The following MYO1B variants were observed in gnomAD, a reference collection of about 807,000 sequenced individuals.
MYO1B encodes the protein unconventional myosin-Ib.
In MYO1B, 72 loss-of-function variants were observed where a neutral mutation model predicts 159.7. The observed-to-expected ratio is 0.45, with a 90% CI of 0.37 to 0.55. The LOEUF is 0.55. Among genes scored for constraint, MYO1B ranks in the 20% least tolerant of loss-of-function variants. MYO1B has a pLI of 0.00. For missense variants in MYO1B, 1,062 were observed against 1,364.8 expected (o/e 0.78, Z 3.50); for synonymous variants, 468 against 473.8 (o/e 0.99, Z 0.16).
At chr2:191,268,922 G>C (rs1687299716) in intron 1 of MYO1B, among the ~76,000 whole-genome samples, 1 of 152,212 alleles carries the variant, frequency 6.6e-6, no homozygotes, top group East Asian at 1.9e-4. Context: ...AGTGGGGACT[G>C]TGCAGGGGAG....
intron 20 of MYO1B, 138 bp downstream of exon 20, chr2:191,393,360 C>CT: frequency 1.1e-4 from 117 of 1,057,764 alleles, no homozygotes; most frequent in Middle Eastern, 6.0e-4. Flanking sequence ...CTTAATGGTT[C>CT]TTTTTTTTAA....
chr2:191,423,741 G>A lies in MYO1B; in HGVS notation c.3288-96G>A, dbSNP rs770125291. 363 of 1,371,680 alleles carry A rather than the reference G, an allele frequency of 2.6e-4. 1 individual carries two copies. The highest frequency in any genetic ancestry group is 3.1e-4 in the Non-Finnish European group (315 of 1,020,444). 85.0% of individuals were successfully genotyped at this position (1,371,680 alleles called of 1,614,324 possible). A position where few individuals can be genotyped will look rare whatever the true frequency, so the allele number is the denominator to read the frequency against. ...GGTTAGGGATGCGCAGCCTGTACTCGTCAAGATCAGTATCCATTAAAATAC... is the reference window on the plus strand; with the variant it reads ...GGTTAGGGATGCGCAGCCTGTACTCATCAAGATCAGTATCCATTAAAATAC... On this transcript the variant is annotated intron_variant, in intron 30 of 30. Coordinates refer to ENST00000392318, the MANE Select transcript of MYO1B (RefSeq NM_001130158.3).
chr2:191,260,558 G>T (rs1686751087), intron 1 of MYO1B, among the ~76,000 whole-genome samples: 1 of 151,964 alleles, frequency 6.6e-6, no homozygotes, highest in African/African-American at 2.4e-5. Flanking sequence ...CTAAAAGTAT[G>T]TCAATCATGA....
At chr2:191,326,770 ATGTGTG>A (rs35184577) in intron 3 of MYO1B, among the ~76,000 whole-genome samples, 3,374 of 137,096 alleles carry the variant, frequency 0.025, 87 homozygotes, top group African/African-American at 0.073. Flanking sequence ...GTTTGTATAT[ATGTGTG>A]TGTGTGTGTG....
intron 13 of MYO1B, among the ~76,000 whole-genome samples, chr2:191,374,168 T>C (rs1252365204): frequency 6.6e-6 from 1 of 152,156 alleles, no homozygotes; most frequent in Non-Finnish European, 1.5e-5. Context: ...GCTCAGAGTG[T>C]TAGGAAACCA....
chr2:191,388,644 A>T (rs572701088), intron 17 of MYO1B, among the ~76,000 whole-genome samples: 29 of 148,666 alleles, frequency 2.0e-4, no homozygotes, highest in African/African-American at 6.1e-4. Flanking sequence ...ATCCTAGTTT[A>T]AAAAAAAACC....
At chr2:191,280,874 G>A (rs1688018660) in intron 2 of MYO1B, among the ~76,000 whole-genome samples, 1 of 152,188 alleles carries the variant, frequency 6.6e-6, no homozygotes, top group South Asian at 2.1e-4. Context: ...ATGTGTCCAT[G>A]GGAAGAATTG....
Position 191,365,755 on chromosome 2 carries a change from G to A in MYO1B, c.1032+1479G>A, listed in dbSNP as rs73984105. Reference sequence around the variant, plus strand: ...AAGGGCATATCAAAAAGAAAACATTGAGAAAAGCCAGATTTGGGGCACATA... The same window carrying A: ...AAGGGCATATCAAAAAGAAAACATTAAGAAAAGCCAGATTTGGGGCACATA... On this transcript the variant is annotated intron_variant, in intron 11 of 30. Coordinates refer to ENST00000392318, the MANE Select transcript of MYO1B (RefSeq NM_001130158.3). 2.1e-3 allele frequency among the ~76,000 whole-genome samples: 318 copies of A among 152,280 alleles called. 1 individual carries two copies. Among genetic ancestry groups the A allele is most frequent in the African/African-American group, 7.2e-3 (301 of 41,560 alleles).
At chr2:191,376,668 A>G (rs1694732949) in intron 13 of MYO1B, among the ~76,000 whole-genome samples, 1 of 152,190 alleles carries the variant, frequency 6.6e-6, no homozygotes, top group Non-Finnish European at 1.5e-5. Flanking sequence ...AAGAAACACT[A>G]ATATGTAATT....
chr2:191,288,277 C>A (rs1211924849), intron 2 of MYO1B, among the ~76,000 whole-genome samples: 1 of 150,994 alleles, frequency 6.6e-6, no homozygotes, highest in Non-Finnish European at 1.5e-5. Context: ...AAGGTGGTGG[C>A]TGGGCGGCAT....
intron 1 of MYO1B, chr2:191,262,916 T>C (rs1217963797): frequency 6.6e-6 from 1 of 152,344 alleles, no homozygotes; most frequent in East Asian, 1.9e-4. Context: ...AACAGAAATG[T>C]TCATCTCTAT....
chr2:191,355,926 C>T (rs1050253136), intron 7 of MYO1B, among the ~76,000 whole-genome samples: 2 of 152,188 alleles, frequency 1.3e-5, no homozygotes, highest in South Asian at 2.1e-4. Context: ...TTTTAATTTA[C>T]GACACAATTG....
chr2:191,363,274 T>A (rs1351707972), intron 9 of MYO1B, among the ~76,000 whole-genome samples: 1 of 152,146 alleles, frequency 6.6e-6, no homozygotes. Context: ...CCGTAAAAAT[T>A]TATGAATGAA....
intron 4 of MYO1B, among the ~76,000 whole-genome samples, chr2:191,341,111 C>A (rs1312429700): frequency 7.9e-5 from 12 of 152,076 alleles, no homozygotes; most frequent in Admixed American, 2.0e-4. Flanking sequence ...GGTAAAGATA[C>A]CCAGGTTATC....
Position 191,250,197 on chromosome 2 carries a change from C to G in MYO1B, c.-10+4571C>G, listed in dbSNP as rs146126439. Reference sequence around the variant, plus strand: ...CTATGACAGCTGTAGTGACCAAGACCAGGGGAACACTTGCTTTTGAGACAA... The same window carrying G: ...CTATGACAGCTGTAGTGACCAAGACGAGGGGAACACTTGCTTTTGAGACAA... On this transcript the variant is annotated intron_variant, in intron 1 of 30. Transcript: ENST00000392318. Among the ~76,000 whole-genome samples the G allele has an allele frequency of 3.2e-4, 48 of 152,236 alleles. 1 individual carries two copies. In the East Asian group the frequency reaches 7.7e-3, roughly 24 times the overall value.
chr2:191,331,167 C>A (rs746948154), intron 4 of MYO1B, among the ~76,000 whole-genome samples: 3 of 151,960 alleles, frequency 2.0e-5, no homozygotes, highest in Admixed American at 6.6e-5. Flanking sequence ...TTGGAGACAC[C>A]GAGCACCATT....
chr2:191,397,589 C>T (rs1442943496), intron 21 of MYO1B, among the ~76,000 whole-genome samples: 2 of 150,698 alleles, frequency 1.3e-5, no homozygotes, highest in Non-Finnish European at 3.0e-5. Flanking sequence ...CCCATGTCTA[C>T]TTCTATCCAC....
At chr2:191,283,853 T>G (rs1688206777) in intron 2 of MYO1B, among the ~76,000 whole-genome samples, 1 of 152,236 alleles carries the variant, frequency 6.6e-6, no homozygotes, top group African/African-American at 2.4e-5. Flanking sequence ...AGGTTTGGAA[T>G]GAGGCAATCT....
At chr2:191,292,909 CTA>C (rs1688768117) in intron 2 of MYO1B, among the ~76,000 whole-genome samples, 1 of 152,210 alleles carries the variant, frequency 6.6e-6, no homozygotes, top group Non-Finnish European at 1.5e-5. Flanking sequence ...ATATTTTCTG[CTA>C]GTCTCACCTG....
Sources: allele counts gnomAD v4.1 joint callset (sites outside exome capture counted in the v4.1 genomes callset), GRCh38; gene constraint gnomAD v4.1.1; transcripts MANE v1.5; gene names NCBI Gene and HGNC (gene_info 2026-07-23, HGNC 2026-07-21).